Variants in PRKAR2B observed in about 807,000 individuals in gnomAD.
PRKAR2B encodes the protein protein kinase cAMP-dependent type II regulatory subunit beta, also known as cAMP-dependent protein kinase type II-beta regulatory subunit.
A neutral mutation model predicts 49.9 loss-of-function variants in PRKAR2B; 14 were observed. The ratio of observed to expected loss-of-function variants is 0.28; its 90% CI spans 0.19 to 0.44. PRKAR2B has a LOEUF of 0.44. Among genes scored for constraint, PRKAR2B ranks in the 20% least tolerant of loss-of-function variants. The probability of loss-of-function intolerance (pLI) is 1.00; values close to 1 mark genes in which losing one functional copy is unlikely to be tolerated. For synonymous variants in PRKAR2B, 196 were observed against 197.7 expected (o/e 0.99, Z 0.07); for missense variants, 393 against 537.9 (o/e 0.73, Z 2.67).
At chr7:107,111,053 G>A (rs1470315810) in intron 2 of PRKAR2B, among the ~76,000 whole-genome samples, 1 of 152,178 alleles carries the variant, frequency 6.6e-6, no homozygotes, top group South Asian at 2.1e-4. Context: ...CCCAAAGGGA[G>A]CATCCCACGC....
At chr7:107,070,766 G>C (rs975152147) in intron 2 of PRKAR2B, among the ~76,000 whole-genome samples, 8 of 152,048 alleles carry the variant, frequency 5.3e-5, no homozygotes, top group Non-Finnish European at 1.2e-4. Flanking sequence ...TTCATAAGAG[G>C]GTTTTTAATA....
intron 2 of PRKAR2B, among the ~76,000 whole-genome samples, chr7:107,092,954 A>T (rs1375377564): frequency 6.6e-6 from 1 of 152,226 alleles, no homozygotes; most frequent in Non-Finnish European, 1.5e-5. Flanking sequence ...GGTACCTCAT[A>T]GATGAGGACT....
At chr7:107,131,017 C>A (rs1378962656) in intron 4 of PRKAR2B, among the ~76,000 whole-genome samples, 1 of 152,132 alleles carries the variant, frequency 6.6e-6, no homozygotes, top group Non-Finnish European at 1.5e-5. Context: ...GGAGTGGAGC[C>A]TGAAAAGTCT....
At chr7:107,069,907 A>G (rs1306557781) in intron 1 of PRKAR2B, 1 of 156,936 alleles carries the variant, frequency 6.4e-6, no homozygotes, top group Middle Eastern at 3.0e-3. Flanking sequence ...TCTTTAGGTT[A>G]AATCTCTAGT....
At chr7:107,150,854 G>T in intron 6 of PRKAR2B, 68 bp from the exon 7 acceptor site, 1 of 737,748 alleles carries the variant, frequency 1.4e-6, no homozygotes, top group Non-Finnish European at 2.2e-6. Flanking sequence ...TTCTTGTAGG[G>T]AATAAAATAA....
chr7:107,083,836 C>T (rs904230405), intron 2 of PRKAR2B, among the ~76,000 whole-genome samples: 1 of 152,150 alleles, frequency 6.6e-6, no homozygotes, highest in Non-Finnish European at 1.5e-5. Flanking sequence ...TGGTCTCAAA[C>T]TCCTGACGTT....
intron 10 of PRKAR2B, 130 bp downstream of exon 10, chr7:107,157,454 G>A (rs1796114175): frequency 8.5e-6 from 10 of 1,178,232 alleles, no homozygotes; most frequent in Non-Finnish European, 6.8e-6. Context: ...ACAAGATTAG[G>A]ACTCATTGCC....
At chr7:107,064,162 A>G (rs1428772908) in intron 1 of PRKAR2B, among the ~76,000 whole-genome samples, 1 of 151,992 alleles carries the variant, frequency 6.6e-6, no homozygotes, top group African/African-American at 2.4e-5. Context: ...TCATTTTAGG[A>G]TTTTTCTAGC....
chr7:107,058,524 G>A (rs952485904), intron 1 of PRKAR2B, among the ~76,000 whole-genome samples: 2 of 152,090 alleles, frequency 1.3e-5, no homozygotes, highest in African/African-American at 4.8e-5. Flanking sequence ...AGAAAATAAA[G>A]ACAATCTTTT....
At chr7:107,045,236 TCG>T in intron 1 of PRKAR2B, 22 bp downstream of exon 1, 1 of 1,400,744 alleles carries the variant, frequency 7.1e-7, no homozygotes, top group Non-Finnish European at 9.3e-7. Context: ...ACCCCCCACT[TCG>T]CGCCCCCGGA....
chr7:107,153,607 G>A (rs187999952), intron 8 of PRKAR2B, among the ~76,000 whole-genome samples: 1 of 152,212 alleles, frequency 6.6e-6, no homozygotes, highest in Non-Finnish European at 1.5e-5. Flanking sequence ...AGTTCATGAT[G>A]AAAATTCCTG....
chr7:107,050,111 G>T (rs1793773456), intron 1 of PRKAR2B, among the ~76,000 whole-genome samples: 1 of 152,074 alleles, frequency 6.6e-6, no homozygotes, highest in Non-Finnish European at 1.5e-5. Context: ...TTTGGGCTTT[G>T]GAAGAAGGGT....
intron 2 of PRKAR2B, among the ~76,000 whole-genome samples, chr7:107,113,573 G>A (rs1463588518): frequency 6.6e-6 from 1 of 152,080 alleles, no homozygotes; most frequent in Non-Finnish European, 1.5e-5. Context: ...CAGCATTGAG[G>A]AATTCTGATG....
chr7:107,085,013 T>C (rs1301795757), intron 2 of PRKAR2B, among the ~76,000 whole-genome samples: 1 of 152,124 alleles, frequency 6.6e-6, no homozygotes, highest in Non-Finnish European at 1.5e-5. Context: ...GAGGAAGTCA[T>C]GTTTGCTTGG....
chr7:107,059,227 G>C (rs1793978415), intron 1 of PRKAR2B, among the ~76,000 whole-genome samples: 1 of 152,150 alleles, frequency 6.6e-6, no homozygotes, highest in Non-Finnish European at 1.5e-5. Context: ...GGCCAAGGTT[G>C]CAGTGAACTC....
At chr7:107,114,588 T>G (rs1256884155) in intron 2 of PRKAR2B, among the ~76,000 whole-genome samples, 1 of 151,258 alleles carries the variant, frequency 6.6e-6, no homozygotes, top group African/African-American at 2.4e-5. Flanking sequence ...CAGGCTGGTC[T>G]TGAACTCCTG....
At chr7:107,084,677 GT>G (rs1168141524) in intron 2 of PRKAR2B, among the ~76,000 whole-genome samples, 4 of 150,244 alleles carry the variant, frequency 2.7e-5, no homozygotes, top group African/African-American at 9.8e-5. Context: ...CTGGAGTGCA[GT>G]GGCGCGATCA....
At chr7:107,118,697 T>G (rs1414181337) in intron 2 of PRKAR2B, among the ~76,000 whole-genome samples, 1 of 152,104 alleles carries the variant, frequency 6.6e-6, no homozygotes, top group Non-Finnish European at 1.5e-5. Flanking sequence ...TAGTTCTGTG[T>G]GGGTGAAAGG....
intron 2 of PRKAR2B, among the ~76,000 whole-genome samples, chr7:107,095,282 T>C (rs530357457): frequency 1.6e-4 from 25 of 152,258 alleles, no homozygotes; most frequent in African/African-American, 5.8e-4. Context: ...TGAATGGGAG[T>C]TCACTCATGA....
Sources: allele counts gnomAD v4.1 joint callset (sites outside exome capture counted in the v4.1 genomes callset), GRCh38; gene constraint gnomAD v4.1.1; transcripts MANE v1.5; gene names NCBI Gene and HGNC (gene_info 2026-07-23, HGNC 2026-07-21).